The following ARHGAP32 variants were observed in gnomAD, a reference collection of about 807,000 sequenced individuals.
ARHGAP32 encodes the protein Rho GTPase activating protein 32.
A neutral mutation model predicts 186.5 loss-of-function variants in ARHGAP32; 51 were observed. That is an observed-to-expected ratio of 0.27 (90% CI 0.22 to 0.35). ARHGAP32 has a LOEUF of 0.35. Among genes scored for constraint, ARHGAP32 ranks in the 10% least tolerant of loss-of-function variants. The probability of loss-of-function intolerance (pLI) is 1.00; values close to 1 mark genes in which losing one functional copy is unlikely to be tolerated. For missense variants in ARHGAP32, 2,186 were observed against 2,623.5 expected (o/e 0.83, Z 3.64); for synonymous variants, 950 against 964.3 (o/e 0.99, Z 0.27).
chr11:129,001,525 T>C (rs1248818466), intron 11 of ARHGAP32, among the ~76,000 whole-genome samples: 2 of 152,244 alleles, frequency 1.3e-5, no homozygotes, highest in Non-Finnish European at 2.9e-5. Flanking sequence ...CTTTGTCAGA[T>C]GGGTAGTTTG....
chr11:129,122,590 T>C (rs973372287), intron 5 of ARHGAP32, among the ~76,000 whole-genome samples: 1 of 152,164 alleles, frequency 6.6e-6, no homozygotes, highest in Admixed American at 6.5e-5. Context: ...AGTGCTATTT[T>C]AAACTGTCAA....
chr11:128,985,825 T>TGTGCGC (rs1196408187), intron 15 of ARHGAP32, 178 bp downstream of exon 15: 11 of 160,372 alleles, frequency 6.9e-5, no homozygotes, highest in South Asian at 2.3e-4. Flanking sequence ...AGTGTGTGTG[T>TGTGCGC]GTGTGCGTGT....
chr11:129,005,929 G>A (rs772016866), intron 11 of ARHGAP32, among the ~76,000 whole-genome samples: 1 of 151,842 alleles, frequency 6.6e-6, no homozygotes, highest in Non-Finnish European at 1.5e-5. Context: ...TGCTTAATTC[G>A]TTTTCCTTTT....
intron 2 of ARHGAP32, among the ~76,000 whole-genome samples, chr11:129,156,862 C>A (rs775373138): frequency 9.9e-5 from 15 of 152,124 alleles, no homozygotes; most frequent in Non-Finnish European, 1.8e-4. Context: ...CCCTCTGGGA[C>A]GAAGCTTCCA....
chr11:129,209,165 C>T (rs1944549856), intron 1 of ARHGAP32, among the ~76,000 whole-genome samples: 1 of 152,118 alleles, frequency 6.6e-6, no homozygotes, highest in Non-Finnish European at 1.5e-5. Flanking sequence ...AACAATGACT[C>T]ATAACCTATT....
chr11:129,196,559 C>T (rs531846822), upstream of ARHGAP32, among the ~76,000 whole-genome samples: 2 of 152,234 alleles, frequency 1.3e-5, no homozygotes, highest in East Asian at 1.9e-4. Context: ...GTCCTGGAAA[C>T]GATTTCCCCA....
chr11:129,265,346 T>C (rs1945382742), intron 1 of ARHGAP32, among the ~76,000 whole-genome samples: 1 of 152,198 alleles, frequency 6.6e-6, no homozygotes, highest in Non-Finnish European at 1.5e-5. Flanking sequence ...GACCAGATGG[T>C]AATTCTCTGT....
rs375602919 is a variant in ARHGAP32 at position 129,266,827 on chromosome 11, C to T, written c.-5+12319G>A. On this transcript the variant is annotated intron_variant, in intron 1 of 6. Coordinates refer to the ARHGAP32 transcript ENST00000525234. ...GATGTGCCCATCTGCAGCCTACGTG[C>T]CCCAGCCCTCATCTTGACCGGGACC... Among the ~76,000 whole-genome samples the T allele has an allele frequency of 1.9e-3, 283 of 152,254 alleles. 3 individuals are homozygous for T. Among genetic ancestry groups the T allele is most frequent in the Middle Eastern group, 3.4e-3 (1 of 294 alleles).
chr11:129,235,937 A>ACACACACACACACACT, intron 1 of ARHGAP32, among the ~76,000 whole-genome samples: 1 of 134,254 alleles, frequency 7.4e-6, no homozygotes, highest in African/African-American at 2.7e-5. Context: ...ACACACACAC[A>ACACACACACACACACT]CACTCACACA....
At chr11:129,197,337 A>T (rs549241733) in intron 1 of ARHGAP32, among the ~76,000 whole-genome samples, 1 of 152,308 alleles carries the variant, frequency 6.6e-6, no homozygotes, top group Admixed American at 6.5e-5. Context: ...TATGGACAGG[A>T]TATCACACAG....
chr11:129,058,465 G>A (rs149854514), intron 10 of ARHGAP32, among the ~76,000 whole-genome samples: 1 of 152,078 alleles, frequency 6.6e-6, no homozygotes, highest in East Asian at 1.9e-4. Context: ...ATTAACTTTA[G>A]ACTGTTGGCT....
chr11:129,246,693 T>C (rs1204506412), intron 1 of ARHGAP32, among the ~76,000 whole-genome samples: 2 of 152,216 alleles, frequency 1.3e-5, no homozygotes, highest in African/African-American at 4.8e-5. Flanking sequence ...TAGTGGCAAT[T>C]GAATGCTGAG....
In ARHGAP32 at chr11:129,271,150, T is replaced by C. The variant is rs138794214; in HGVS notation, c.-5+7996A>G. 3.3e-5 allele frequency among the ~76,000 whole-genome samples: 5 copies of C among 152,208 alleles called. 1 individual carries two copies. Among genetic ancestry groups the C allele is most frequent in the African/African-American group, 1.2e-4 (5 of 41,540 alleles). On this transcript the variant is annotated intron_variant, in intron 1 of 6. Transcript: ENST00000525234. ...GCAGAATGATACGATCTGATTAACG[T>C]TTAACATTATTTTGGCTCCCGTGTA...
At chr11:129,238,756 AACACACAC>A (rs71057936) in intron 1 of ARHGAP32, among the ~76,000 whole-genome samples, 1 of 148,300 alleles carries the variant, frequency 6.7e-6, no homozygotes, top group African/African-American at 2.5e-5. Flanking sequence ...ACTTATTTTA[AACACACAC>A]ACACACACAC....
Position 129,278,048 on chromosome 11 carries a change from C to T in ARHGAP32, c.-5+1098G>A, listed in dbSNP as rs184584930. Among the ~76,000 whole-genome samples, 6 of 152,330 alleles carry T rather than the reference C, an allele frequency of 3.9e-5. No homozygotes were observed. In the East Asian group the frequency reaches 1.2e-3, roughly 29 times the overall value. Reference sequence around the variant, plus strand: ...GAGACTCTTAAGAGCCACCGCACTCCAGCACCATTTGCTTTTTCTTCTTCC... The same window carrying T: ...GAGACTCTTAAGAGCCACCGCACTCTAGCACCATTTGCTTTTTCTTCTTCC... On this transcript the variant is annotated intron_variant, in intron 1 of 6. Coordinates refer to the ARHGAP32 transcript ENST00000525234.
In ARHGAP32 at chr11:129,066,294, T is replaced by C. The variant is rs75090500; in HGVS notation, c.669+437A>G. Among the ~76,000 whole-genome samples, 65 of 152,222 alleles carry C rather than the reference T, an allele frequency of 4.3e-4. 1 individual carries two copies. The East Asian group carries it at 0.012, about 27-fold the overall frequency. On this transcript the variant is annotated intron_variant, in intron 7 of 22. Coordinates refer to ENST00000682385, the MANE Select transcript of ARHGAP32 (RefSeq NM_001378024.1). ...AATGGTACTTTTGGTTTAATGATGCTATAAAGAATCTCTGTTTAGAAATCT... is the reference window on the plus strand; with the variant it reads ...AATGGTACTTTTGGTTTAATGATGCCATAAAGAATCTCTGTTTAGAAATCT...
chr11:129,268,571 G>A (rs901814915), intron 1 of ARHGAP32, among the ~76,000 whole-genome samples: 1 of 141,584 alleles, frequency 7.1e-6, no homozygotes, highest in Non-Finnish European at 1.5e-5. Context: ...CTAGTGGTAT[G>A]AGACACAGGC....
At chr11:129,256,879 G>A (rs985756330) in intron 1 of ARHGAP32, among the ~76,000 whole-genome samples, 2 of 152,094 alleles carry the variant, frequency 1.3e-5, no homozygotes, top group African/African-American at 4.8e-5. Flanking sequence ...AGAACATAAG[G>A]GCTAAGACTT....
intron 1 of ARHGAP32, among the ~76,000 whole-genome samples, chr11:129,172,383 T>A (rs948978569): frequency 3.3e-5 from 5 of 152,234 alleles, no homozygotes; most frequent in Non-Finnish European, 5.9e-5. Context: ...CGTGAAGGGA[T>A]GTTGAATTTT....
Sources: gnomAD v4.1 joint callset for allele counts (sites outside exome capture counted in the v4.1 genomes callset) on GRCh38, gnomAD v4.1.1 for gene constraint, MANE v1.5 for transcripts, NCBI Gene and HGNC (gene_info 2026-07-23, HGNC 2026-07-21) for gene names.